JAKMIP2: variants seen among roughly 807,000 people sequenced by gnomAD.
The protein encoded by JAKMIP2 is janus kinase and microtubule interacting protein 2.
In JAKMIP2, 25 loss-of-function variants were observed where a neutral mutation model predicts 115.0. The observed-to-expected ratio is 0.22, with a 90% CI of 0.16 to 0.30. JAKMIP2 has a LOEUF of 0.30. JAKMIP2 is among the 10% of genes least tolerant of loss of function. The probability of loss-of-function intolerance (pLI) is 1.00; values close to 1 mark genes in which losing one functional copy is unlikely to be tolerated. For missense variants in JAKMIP2, 642 were observed against 957.6 expected, an observed-to-expected ratio of 0.67 and a Z score of 4.35; for synonymous variants, 334 against 343.6, an observed-to-expected ratio of 0.97 and a Z score of 0.31.
chr5:147,623,059 C>T (rs1756924383), intron 17 of JAKMIP2, among the ~76,000 whole-genome samples: 1 of 152,018 alleles, frequency 6.6e-6, no homozygotes, highest in African/African-American at 2.4e-5. Context: ...TAGCTGGGAC[C>T]ACAGGCACGT....
At chr5:147,641,653 C>G in intron 8 of JAKMIP2, 55 bp downstream of exon 8, 1 of 1,252,062 alleles carries the variant, frequency 8.0e-7, no homozygotes, top group Non-Finnish European at 1.2e-6. Context: ...CCATGCCAAG[C>G]CTCATCTCTC....
intron 1 of JAKMIP2, among the ~76,000 whole-genome samples, chr5:147,707,166 C>G (rs949786704): frequency 6.6e-6 from 1 of 152,130 alleles, no homozygotes; most frequent in Non-Finnish European, 1.5e-5. Flanking sequence ...GAAATGAACA[C>G]GTGCTCTTAG....
chr5:147,759,093 G>A (rs1378913438), intron 1 of JAKMIP2, among the ~76,000 whole-genome samples: 1 of 151,936 alleles, frequency 6.6e-6, no homozygotes, highest in East Asian at 1.9e-4. Flanking sequence ...TCCATGGCTG[G>A]GTAAATTGTT....
At position 147,587,430 on chromosome 5, in the gene JAKMIP2, G is replaced by C. The variant is rs941727609; in HGVS notation, c.*4277C>G. 2.6e-5 allele frequency: 4 copies of C among 152,000 alleles called. No homozygotes were observed. The highest frequency in any genetic ancestry group is 2.9e-5 in the Non-Finnish European group (2 of 68,006). 9.4% of individuals were successfully genotyped at this position (152,000 alleles called of 1,614,324 possible). Reference sequence around the variant, plus strand: ...TCTATTGCTCTGTGTGTGTGTGTGTGTGTGTGTGTGTTTGTGTGTGTATTC... The same window carrying C: ...TCTATTGCTCTGTGTGTGTGTGTGTCTGTGTGTGTGTTTGTGTGTGTATTC... On this transcript the variant is annotated 3_prime_UTR_variant, in exon 22 of 22. Transcript: ENST00000616793.
At chr5:147,684,296 A>AAC (rs10565596) in intron 1 of JAKMIP2, among the ~76,000 whole-genome samples, 3,274 of 147,434 alleles carry the variant, frequency 0.022, 52 homozygotes, top group Middle Eastern at 0.056. Flanking sequence ...AGTGCCAGAG[A>AAC]ACACACACAC....
intron 1 of JAKMIP2, among the ~76,000 whole-genome samples, chr5:147,751,388 A>G (rs955085637): frequency 8.6e-5 from 13 of 151,708 alleles, no homozygotes; most frequent in African/African-American, 3.1e-4. Context: ...GTGAGCCAGC[A>G]TGCCCGACAT....
intron 1 of JAKMIP2, among the ~76,000 whole-genome samples, chr5:147,734,655 A>C (rs1753855055): frequency 6.6e-6 from 1 of 151,018 alleles, no homozygotes. Flanking sequence ...TATAATACAA[A>C]AAAAAAAAAG....
rs1224070028 is a variant in JAKMIP2, at chr5:147,588,871, T to C, written c.*2836A>G. 1 of 152,116 alleles carries C rather than the reference T, an allele frequency of 6.6e-6. No individual in the cohort carries two copies. The highest frequency in any genetic ancestry group is 1.5e-5 in the Non-Finnish European group (1 of 68,026). The allele number at this position is 152,116 out of a possible 1,614,324, so 9.4% of individuals were successfully genotyped here. ...AATAGTTACTCATGGAAATAAATTT[T>C]GACTTACAAATTTCTTGGTGGGTGG... On this transcript the variant is annotated 3_prime_UTR_variant, in exon 22 of 22. Transcript: ENST00000616793.
At chr5:147,685,133 C>A (rs560110684) in intron 1 of JAKMIP2, among the ~76,000 whole-genome samples, 1 of 152,234 alleles carries the variant, frequency 6.6e-6, no homozygotes, top group East Asian at 1.9e-4. Flanking sequence ...ACAGTGCTAG[C>A]AAAAGACATA....
rs375805847 is a variant in JAKMIP2 at position 147,769,746 on chromosome 5, A to T, written c.-149+12710T>A. Among the ~76,000 whole-genome samples, 8 of 145,644 alleles carry T rather than the reference A, an allele frequency of 5.5e-5. No individual in the cohort carries two copies. In the East Asian group the frequency reaches 8.2e-4, roughly 15 times the overall value. ...TGGGTATTTTGTGTAGAGCGCCTGGATCCTATCCTCCTTGCCTTTTCCTTC... is the reference window on the plus strand; with the variant it reads ...TGGGTATTTTGTGTAGAGCGCCTGGTTCCTATCCTCCTTGCCTTTTCCTTC... On this transcript the variant is annotated intron_variant, in intron 1 of 21. Transcript: ENST00000616793.
At chr5:147,610,640 C>T (rs1756268234) in intron 20 of JAKMIP2, among the ~76,000 whole-genome samples, 2 of 152,168 alleles carry the variant, frequency 1.3e-5, no homozygotes, top group South Asian at 4.1e-4. Flanking sequence ...GAGGTATCTC[C>T]CAGTCAGGAG....
At chr5:147,665,410 A>G (rs1479742576) in intron 2 of JAKMIP2, among the ~76,000 whole-genome samples, 5 of 152,224 alleles carry the variant, frequency 3.3e-5, no homozygotes, top group Non-Finnish European at 7.3e-5. Context: ...TACCTTCCAT[A>G]TAAGACCTTG....
chr5:147,730,669 T>C (rs113506944), intron 1 of JAKMIP2, among the ~76,000 whole-genome samples: 20,236 of 152,102 alleles, frequency 0.13, 1,993 homozygotes, highest in East Asian at 0.37. Context: ...TTGGCCAGGC[T>C]GGTCTTGAAC....
intron 5 of JAKMIP2, among the ~76,000 whole-genome samples, chr5:147,647,773 A>G (rs1015492847): frequency 1.3e-5 from 2 of 152,162 alleles, no homozygotes; most frequent in Admixed American, 6.5e-5. Context: ...GACTACATCC[A>G]TACTCTAACA....
At chr5:147,661,475 G>T in intron 2 of JAKMIP2, 30 bp from the exon 3 acceptor site, 1 of 1,588,146 alleles carries the variant, frequency 6.3e-7, no homozygotes. Context: ...ATGATGAAGA[G>T]AAATGAGCCT....
At chr5:147,693,776 T>C (rs1025114102) in intron 1 of JAKMIP2, among the ~76,000 whole-genome samples, 1 of 152,210 alleles carries the variant, frequency 6.6e-6, no homozygotes, top group African/African-American at 2.4e-5. Context: ...CAAGTCAAAA[T>C]TTCAAACGAC....
intron 20 of JAKMIP2, among the ~76,000 whole-genome samples, chr5:147,602,838 A>G (rs1561841033): frequency 6.6e-6 from 1 of 152,168 alleles, no homozygotes; most frequent in Non-Finnish European, 1.5e-5. Context: ...TTATTAGCAT[A>G]TTTCCTTTAA....
chr5:147,757,969 T>C (rs1754805705), intron 1 of JAKMIP2, among the ~76,000 whole-genome samples: 1 of 152,168 alleles, frequency 6.6e-6, no homozygotes, highest in Non-Finnish European at 1.5e-5. Context: ...GACTTCAAAA[T>C]ATGAGCCATG....
At chr5:147,699,260 C>T (rs527676333) in intron 1 of JAKMIP2, among the ~76,000 whole-genome samples, 20 of 152,260 alleles carry the variant, frequency 1.3e-4, no homozygotes, top group African/African-American at 1.9e-4. Context: ...TATGTGTTGA[C>T]ATGAGCACAG....
Sources: allele counts gnomAD v4.1 joint callset (sites outside exome capture counted in the v4.1 genomes callset), GRCh38; gene constraint gnomAD v4.1.1; transcripts MANE v1.5; gene names NCBI Gene and HGNC (gene_info 2026-07-23, HGNC 2026-07-21).